The following STEAP1B variants were observed in gnomAD, a reference collection of about 807,000 sequenced individuals.
STEAP1B encodes STEAP family protein MGC87042.
STEAP1B carries 13 observed loss-of-function variants against 27.9 expected under a neutral mutation model. The ratio of observed to expected loss-of-function variants is 0.47; its 90% CI spans 0.30 to 0.74. The LOEUF (loss-of-function observed/expected upper bound fraction) is 0.74. Ranked by LOEUF, STEAP1B falls within the 30% of genes least tolerant of loss-of-function variation. The probability of loss-of-function intolerance (pLI) is 0.06; values close to 1 mark genes in which losing one functional copy is unlikely to be tolerated. For missense variants in STEAP1B, 250 were observed against 298.7 expected (o/e 0.84, Z 1.20); for synonymous variants, 86 against 107.1 (o/e 0.80, Z 1.22).
intron 4 of STEAP1B, among the ~76,000 whole-genome samples, chr7:22,431,365 A>G (rs1583628639): frequency 6.6e-6 from 1 of 152,196 alleles, no homozygotes; most frequent in East Asian, 1.9e-4. Flanking sequence ...CTCTCTCCCA[A>G]TAGCTCTCTC....
intron 4 of STEAP1B, among the ~76,000 whole-genome samples, chr7:22,467,773 T>C (rs1785812555): frequency 6.6e-6 from 1 of 152,210 alleles, no homozygotes; most frequent in African/African-American, 2.4e-5. Context: ...CCTCTTTCTT[T>C]GTAAATTGCC....
chr7:22,452,344 G>A (rs1321253731), intron 4 of STEAP1B, among the ~76,000 whole-genome samples: 1 of 152,116 alleles, frequency 6.6e-6, no homozygotes, highest in Admixed American at 6.5e-5. Context: ...ATTTGTGTGA[G>A]AAACGGAAAG....
chr7:22,490,223 C>T (rs528580964), intron 4 of STEAP1B, among the ~76,000 whole-genome samples: 3 of 151,894 alleles, frequency 2.0e-5, no homozygotes, highest in Non-Finnish European at 4.4e-5. Flanking sequence ...GGTATTAAAA[C>T]ACTATTTTCC....
intron 4 of STEAP1B, among the ~76,000 whole-genome samples, chr7:22,477,075 G>A (rs568769554): frequency 2.6e-5 from 4 of 152,288 alleles, no homozygotes; most frequent in Non-Finnish European, 5.9e-5. Context: ...AGGAAGTGAC[G>A]TCACGCACCT....
chr7:22,459,736 A>T (rs1374013607), intron 4 of STEAP1B, among the ~76,000 whole-genome samples: 1 of 152,118 alleles, frequency 6.6e-6, no homozygotes, highest in Non-Finnish European at 1.5e-5. Context: ...TAAAACTCGT[A>T]TCATAAACTT....
At chr7:22,431,362 C>T (rs1286078081) in intron 4 of STEAP1B, among the ~76,000 whole-genome samples, 1 of 152,202 alleles carries the variant, frequency 6.6e-6, no homozygotes, top group African/African-American at 2.4e-5. Context: ...AATCTCTCTC[C>T]CAATAGCTCT....
chr7:22,486,975 G>A (rs550120939), intron 4 of STEAP1B, among the ~76,000 whole-genome samples: 10 of 152,276 alleles, frequency 6.6e-5, no homozygotes, highest in African/African-American at 2.4e-4. Flanking sequence ...GTATGATGAA[G>A]GCTGTCACTA....
chr7:22,459,738 C>G (rs1040658764), intron 4 of STEAP1B, among the ~76,000 whole-genome samples: 13 of 152,172 alleles, frequency 8.5e-5, no homozygotes, highest in African/African-American at 2.9e-4. Flanking sequence ...AAACTCGTAT[C>G]ATAAACTTAT....
intron 4 of STEAP1B, among the ~76,000 whole-genome samples, chr7:22,491,536 G>A (rs1786321618): frequency 6.6e-6 from 1 of 152,298 alleles, no homozygotes; most frequent in Non-Finnish European, 1.5e-5. Flanking sequence ...AGTAAACTCT[G>A]TCTTGCATTT....
At chr7:22,444,524 C>CT (rs950992205) in intron 4 of STEAP1B, among the ~76,000 whole-genome samples, 1 of 152,206 alleles carries the variant, frequency 6.6e-6, no homozygotes, top group African/African-American at 2.4e-5. Flanking sequence ...ACCATGGACT[C>CT]TTTGCAGACA....
At chr7:22,459,047 T>C (rs140152104) in intron 4 of STEAP1B, among the ~76,000 whole-genome samples, 2 of 152,288 alleles carry the variant, frequency 1.3e-5, no homozygotes, top group South Asian at 2.1e-4. Flanking sequence ...CCTCCAGCAA[T>C]TGACTTTGGC....
At chr7:22,497,860 A>T (rs954178126) in intron 1 of STEAP1B, among the ~76,000 whole-genome samples, 22 of 152,228 alleles carry the variant, frequency 1.4e-4, no homozygotes, top group Admixed American at 1.1e-3. Flanking sequence ...AAGTGGGAGC[A>T]GGCGTCTTAC....
chr7:22,486,627 A>C (rs1786214043), intron 4 of STEAP1B, among the ~76,000 whole-genome samples: 1 of 152,036 alleles, frequency 6.6e-6, no homozygotes, highest in Admixed American at 6.5e-5. Flanking sequence ...GGTCCTGACC[A>C]GTTCTCATCT....
chr7:22,444,832 T>C (rs978239507), intron 4 of STEAP1B, among the ~76,000 whole-genome samples: 1 of 152,200 alleles, frequency 6.6e-6, no homozygotes, highest in South Asian at 2.1e-4. Context: ...AGCCTACCCA[T>C]GTGAAAAACC....
At position 22,445,560 on chromosome 7, in the gene STEAP1B, G is replaced by A. The variant is rs186611649; in HGVS notation, c.763-25724C>T. On this transcript the variant is annotated intron_variant, in intron 4 of 4. Coordinates refer to ENST00000678116, the MANE Select transcript of STEAP1B (RefSeq NM_001382447.1). ...CACAGCTGAGGGGCGGAGGCCAGCG[G>A]GAAGCACCTGCACCTCTTCAGGGTA... Among the ~76,000 whole-genome samples, 10 of 152,384 alleles carry A rather than the reference G, an allele frequency of 6.6e-5. No homozygotes were observed. The East Asian group carries it at 1.7e-3, about 26-fold the overall frequency.
At chr7:22,465,867 C>T (rs889182018) in intron 4 of STEAP1B, among the ~76,000 whole-genome samples, 23 of 152,094 alleles carry the variant, frequency 1.5e-4, no homozygotes, top group African/African-American at 5.3e-4. Context: ...GGCAGGAAAA[C>T]CACAACACTC....
At chr7:22,445,690 G>A (rs1785399118) in intron 4 of STEAP1B, among the ~76,000 whole-genome samples, 1 of 152,266 alleles carries the variant, frequency 6.6e-6, no homozygotes, top group South Asian at 2.1e-4. Flanking sequence ...CTTCCCAGAT[G>A]CAAGAGCAGC....
In STEAP1B at chr7:22,493,509, T is replaced by C. The variant is rs1786379363; in HGVS notation, c.412A>G (p.Ile138Val). 2.5e-6 allele frequency: 4 copies of C among 1,613,798 alleles called. No homozygotes were observed. The highest frequency in any genetic ancestry group is 1.3e-5 in the African/African-American group (1 of 74,994). Residue 138 changes from isoleucine to valine, a missense_variant, in exon 3 of 5, where the codon ATT (isoleucine) becomes GTT (valine). Physicochemically the swap from Ile to Val is conservative, Grantham distance 29. Transcript: ENST00000678116. ...TTGGTTCCATTATGAACTTGGACAA[T>C]TGCTGCTATCACACCTGGTAGGTAA... ...LVYLPGVIAA[I>V]VQVHNGTKYK...
At chr7:22,495,799 A>G (rs56343503) in intron 1 of STEAP1B, among the ~76,000 whole-genome samples, 16,140 of 152,116 alleles carry the variant, frequency 0.11, 1,060 homozygotes, top group African/African-American at 0.17. Flanking sequence ...AATAGTTTAA[A>G]ATACAGTGAT....
Sources: gnomAD v4.1 joint callset for allele counts (sites outside exome capture counted in the v4.1 genomes callset) on GRCh38, gnomAD v4.1.1 for gene constraint, MANE v1.5 for transcripts, NCBI Gene and HGNC (gene_info 2026-07-23, HGNC 2026-07-21) for gene names.